The following EVI5 variants were observed in gnomAD, a reference collection of about 807,000 sequenced individuals.
EVI5 encodes the protein ecotropic viral integration site 5 protein homolog.
EVI5 carries 73 observed loss-of-function variants against 112.0 expected under a neutral mutation model. The observed-to-expected ratio is 0.65, with a 90% CI of 0.54 to 0.79. The LOEUF is 0.79. EVI5 is among the 30% of genes least tolerant of loss of function. The pLI is 0.00. For synonymous variants in EVI5, 305 were observed against 319.9 expected (o/e 0.95, Z 0.50); for missense variants, 900 against 968.8 (o/e 0.93, Z 0.94).
chr1:92,694,985 G>A (rs1367180619), intron 7 of EVI5, among the ~76,000 whole-genome samples: 1 of 152,126 alleles, frequency 6.6e-6, no homozygotes, highest in African/African-American at 2.4e-5. Flanking sequence ...TGAGTTAGGA[G>A]GTGATAAAGA....
At chr1:92,756,493 C>A (rs1476015037) in intron 1 of EVI5, 1 of 537,544 alleles carries the variant, frequency 1.9e-6, no homozygotes, top group East Asian at 5.3e-5. Flanking sequence ...TACATCATTA[C>A]ATCATCTTAC....
chr1:92,573,050 G>A (rs1046497806), intron 18 of EVI5, among the ~76,000 whole-genome samples: 10 of 151,904 alleles, frequency 6.6e-5, no homozygotes, highest in Admixed American at 6.6e-4. Flanking sequence ...TCTATTATCT[G>A]CAACAAAAAC....
At chr1:92,517,172 A>G (rs1276300170) in intron 19 of EVI5, among the ~76,000 whole-genome samples, 4 of 152,212 alleles carry the variant, frequency 2.6e-5, no homozygotes, top group African/African-American at 9.6e-5. Flanking sequence ...TAATTAGGAG[A>G]AAAAAGGATG....
At chr1:92,619,300 C>T (rs1177250662) in intron 16 of EVI5, among the ~76,000 whole-genome samples, 2 of 152,062 alleles carry the variant, frequency 1.3e-5, no homozygotes, top group African/African-American at 2.4e-5. Flanking sequence ...TATCTTTCCC[C>T]CATCCTGGAT....
intron 1 of EVI5, among the ~76,000 whole-genome samples, chr1:92,746,153 G>A (rs572700469): frequency 2.0e-4 from 31 of 152,266 alleles, no homozygotes; most frequent in East Asian, 5.8e-4. Flanking sequence ...TCTTTACCTC[G>A]CTTCTGTTTT....
rs186820031 is a variant in EVI5, at chr1:92,777,149, G to A, written c.-82+7687C>T. 2.3e-3 allele frequency among the ~76,000 whole-genome samples: 352 copies of A among 152,090 alleles called. 1 individual carries two copies. The highest frequency in any genetic ancestry group is 8.1e-3 in the African/African-American group (335 of 41,494). ...GATGGGGTTTCACTATGTTGGCCAG[G>A]CTGGTCTTAAACTCCTGACCTCAGG... On this transcript the variant is annotated intron_variant, in intron 1 of 19. Coordinates refer to ENST00000684568, the MANE Select transcript of EVI5 (RefSeq NM_001350197.2).
In EVI5 at chr1:92,605,059, T is replaced by A. The variant is rs529897774; in HGVS notation, c.2070+248A>T. Among the ~76,000 whole-genome samples the A allele has an allele frequency of 3.9e-5, 6 of 152,226 alleles. No individual in the cohort carries two copies. The South Asian group carries it at 1.0e-3, about 26-fold the overall frequency. ...GGCAAAGAGGTTCAGTTAGGGAGGA[T>A]GAAAAAGTTCTGGATATGGATGGTG... On this transcript the variant is annotated intron_variant, in intron 18 of 19. Transcript: ENST00000684568.
chr1:92,607,758 A>T, intron 16 of EVI5, 31 bp from the exon 17 acceptor site: 1 of 1,505,358 alleles, frequency 6.6e-7, no homozygotes, highest in Non-Finnish European at 8.9e-7. Context: ...TACTGAGACT[A>T]TAGATACAAG....
chr1:92,718,022 C>T (rs1480832624), intron 2 of EVI5, among the ~76,000 whole-genome samples: 1 of 152,182 alleles, frequency 6.6e-6, no homozygotes, highest in African/African-American at 2.4e-5. Context: ...GCACCCAATA[C>T]AGGAGCACCC....
chr1:92,723,281 G>A (rs1013251379), intron 2 of EVI5, among the ~76,000 whole-genome samples: 1 of 152,086 alleles, frequency 6.6e-6, no homozygotes, highest in African/African-American at 2.4e-5. Context: ...ATATCTAATT[G>A]TCAAATAATA....
chr1:92,750,015 T>G (rs1300605278), intron 1 of EVI5, among the ~76,000 whole-genome samples: 2 of 152,184 alleles, frequency 1.3e-5, no homozygotes, highest in Non-Finnish European at 2.9e-5. Context: ...AGCATAGAAT[T>G]AGACCCACAA....
intron 2 of EVI5, among the ~76,000 whole-genome samples, chr1:92,714,806 G>A (rs1317851499): frequency 6.6e-6 from 1 of 152,066 alleles, no homozygotes; most frequent in Non-Finnish European, 1.5e-5. Context: ...GCCCAGGCTG[G>A]TCTTGAACTC....
chr1:92,531,900 C>T (rs1662929582), intron 19 of EVI5, among the ~76,000 whole-genome samples: 1 of 152,174 alleles, frequency 6.6e-6, no homozygotes, highest in African/African-American at 2.4e-5. Flanking sequence ...AAATAACCAG[C>T]TAGCATCATA....
intron 2 of EVI5, 112 bp from the exon 3 acceptor site, chr1:92,704,856 G>A: frequency 2.3e-6 from 1 of 428,268 alleles, no homozygotes; most frequent in Non-Finnish European, 4.1e-6. Flanking sequence ...TTAAAATATA[G>A]TTTTAATAAT....
At chr1:92,568,664 G>A (rs1556563) in intron 18 of EVI5, among the ~76,000 whole-genome samples, 129,554 of 152,102 alleles carry the variant, frequency 0.85, 55,552 homozygotes, top group East Asian at 0.97. Context: ...GTGGACTTTC[G>A]TCTGCCTCTG....
rs141112198 is a variant in EVI5, at chr1:92,773,493, T to C, written c.-82+11343A>G. Among the ~76,000 whole-genome samples the C allele has an allele frequency of 8.6e-5, 13 of 151,374 alleles. No individual in the cohort carries two copies. In the East Asian group the frequency reaches 1.8e-3, roughly 21 times the overall value. On this transcript the variant is annotated intron_variant, in intron 1 of 19. Coordinates refer to ENST00000684568, the MANE Select transcript of EVI5 (RefSeq NM_001350197.2). ...GCAACAGAGCAAGACCCCCAAAAATTAGCCAAGTGCGGTGGCACAAACCCT... is the reference window on the plus strand; with the variant it reads ...GCAACAGAGCAAGACCCCCAAAAATCAGCCAAGTGCGGTGGCACAAACCCT...
intron 14 of EVI5, among the ~76,000 whole-genome samples, chr1:92,632,908 T>C (rs181921303): frequency 6.6e-6 from 1 of 152,360 alleles, no homozygotes; most frequent in East Asian, 1.9e-4. Flanking sequence ...GACATCTTTA[T>C]TTCTGCCTTC....
chr1:92,642,271 G>T (rs1660139935), intron 13 of EVI5, among the ~76,000 whole-genome samples: 1 of 152,154 alleles, frequency 6.6e-6, no homozygotes, highest in Admixed American at 6.5e-5. Context: ...TTAATGCTAA[G>T]AAAATGTTAA....
chr1:92,608,166 AAAAT>A (rs538606553), intron 16 of EVI5, among the ~76,000 whole-genome samples: 268 of 151,932 alleles, frequency 1.8e-3, no homozygotes, highest in Non-Finnish European at 3.5e-3. Flanking sequence ...AAAAAAATTA[AAAAT>A]AAATAAATAA....
Sources: gnomAD v4.1 joint callset for allele counts (sites outside exome capture counted in the v4.1 genomes callset) on GRCh38, gnomAD v4.1.1 for gene constraint, MANE v1.5 for transcripts, NCBI Gene and HGNC (gene_info 2026-07-23, HGNC 2026-07-21) for gene names.